Variants in ADAMTS20 observed in about 807,000 individuals in gnomAD.
ADAMTS20 encodes A disintegrin and metalloproteinase with thrombospondin motifs 20.
ADAMTS20 carries 225 observed loss-of-function variants against 260.1 expected under a neutral mutation model. The ratio of observed to expected loss-of-function variants is 0.87; its 90% CI spans 0.78 to 0.97. The LOEUF (loss-of-function observed/expected upper bound fraction) is 0.97, where lower values mean the gene tolerates loss of function less well. ADAMTS20 is among the 50% of genes least tolerant of loss of function. ADAMTS20 has a pLI of 0.00. For synonymous variants in ADAMTS20, 802 were observed against 769.5 expected, an observed-to-expected ratio of 1.04 and a Z score of -0.70; for missense variants, 2,400 against 2,337.7, an observed-to-expected ratio of 1.03 and a Z score of -0.55.
At chr12:43,491,849 C>T (rs1470883341) in intron 6 of ADAMTS20, among the ~76,000 whole-genome samples, 2 of 152,098 alleles carry the variant, frequency 1.3e-5, no homozygotes, top group Non-Finnish European at 2.9e-5. Flanking sequence ...AGGGAATGAA[C>T]AAAACCTGCT....
intron 4 of ADAMTS20, among the ~76,000 whole-genome samples, chr12:43,501,297 T>G (rs1592099512): frequency 6.6e-6 from 1 of 151,786 alleles, no homozygotes; most frequent in Non-Finnish European, 1.5e-5. Context: ...CGACCTCAGG[T>G]GATCCTCCCG....
intron 10 of ADAMTS20, among the ~76,000 whole-genome samples, chr12:43,463,423 T>G (rs556504663): frequency 1.3e-4 from 20 of 152,198 alleles, no homozygotes; most frequent in Non-Finnish European, 2.5e-4. Flanking sequence ...TACTGAAGTT[T>G]CCTATTTTGT....
chr12:43,493,871 T>A (rs572480829), intron 4 of ADAMTS20, among the ~76,000 whole-genome samples: 2 of 152,324 alleles, frequency 1.3e-5, no homozygotes, highest in Admixed American at 1.3e-4. Flanking sequence ...TAGAATCATA[T>A]AAACAGCCCT....
At chr12:43,382,406 A>T (rs1940373609) in intron 31 of ADAMTS20, among the ~76,000 whole-genome samples, 1 of 152,210 alleles carries the variant, frequency 6.6e-6, no homozygotes, top group South Asian at 2.1e-4. Flanking sequence ...GTATGATTCC[A>T]TTTATACCAA....
At chr12:43,392,485 C>G (rs1415516854) in intron 29 of ADAMTS20, among the ~76,000 whole-genome samples, 1 of 151,930 alleles carries the variant, frequency 6.6e-6, no homozygotes, top group Non-Finnish European at 1.5e-5. Flanking sequence ...ATATGAACCT[C>G]TTCTCTAAAA....
intron 2 of ADAMTS20, among the ~76,000 whole-genome samples, chr12:43,536,909 G>T (rs564991274): frequency 6.6e-6 from 1 of 152,244 alleles, no homozygotes; most frequent in Admixed American, 6.6e-5. Context: ...ACCCAATTCA[G>T]AAACAAATTA....
intron 3 of ADAMTS20, among the ~76,000 whole-genome samples, chr12:43,512,357 T>C (rs1009466025): frequency 6.7e-6 from 1 of 149,830 alleles, no homozygotes; most frequent in African/African-American, 2.4e-5. Context: ...TATGAGGATA[T>C]TATTATTATT....
chr12:43,433,851 C>A (rs1208943046), intron 19 of ADAMTS20: 7 of 433,786 alleles, frequency 1.6e-5, no homozygotes, highest in Admixed American at 7.9e-5. Context: ...TCAAGGAAAT[C>A]AATCAATTTG....
At chr12:43,381,462 A>G (rs1940348991) in intron 31 of ADAMTS20, among the ~76,000 whole-genome samples, 1 of 152,014 alleles carries the variant, frequency 6.6e-6, no homozygotes, top group South Asian at 2.1e-4. Context: ...TACCCAGAAT[A>G]TATAAATAAT....
chr12:43,439,738 C>A lies in ADAMTS20; in HGVS notation c.2477G>T (p.Gly826Val). 1 of 1,611,410 alleles carries A rather than the reference C, an allele frequency of 6.2e-7. No individual in the cohort carries two copies. Among genetic ancestry groups the A allele is most frequent in the Non-Finnish European group, 8.5e-7 (1 of 1,178,606 alleles). ...KELILQVLCVGNLYNPDVHYS... is the reference protein window; with the variant it reads ...KELILQVLCVVNLYNPDVHYS... ...ATGTACATCAGGGTTGTATAAATTACCCACACACAACACCTCAATAAGAAT... is the reference window on the plus strand; with the variant it reads ...ATGTACATCAGGGTTGTATAAATTAACCACACACAACACCTCAATAAGAAT... The change falls in exon 18 of 39, where the codon GGT (glycine) becomes GTT (valine). Residue 826 changes from glycine to valine, a missense_variant. Physicochemically the swap from Gly to Val is moderately radical, Grantham distance 109. Transcript: ENST00000389420.
chr12:43,403,551 C>CT (rs1243091327), intron 28 of ADAMTS20, among the ~76,000 whole-genome samples: 3 of 151,982 alleles, frequency 2.0e-5, no homozygotes, highest in Admixed American at 2.0e-4. Flanking sequence ...AAACTGTGCC[C>CT]TTTATAGATT....
At chr12:43,459,070 T>G (rs1942014821) in intron 11 of ADAMTS20, among the ~76,000 whole-genome samples, 1 of 152,160 alleles carries the variant, frequency 6.6e-6, no homozygotes, top group Admixed American at 6.5e-5. Context: ...TTGGGTCCCC[T>G]CCCTTTGTAT....
In ADAMTS20 at chr12:43,425,551, G is replaced by T; in HGVS notation, c.4247C>A (p.Pro1416His). Reference protein sequence around the residue: ...SVIQCHMHACPADVSWHQEPW... With the variant: ...SVIQCHMHACHADVSWHQEPW... ...TTCCTGATGCCATGACACATCAGCA[G>T]GGCAAGCATGCATATGACACTGTAT... is the stretch of plus-strand genomic sequence containing the variant. Residue 1416 changes from proline (P) to histidine (H), a missense_variant, in exon 28 of 39, where the codon CCT (proline) becomes CAT (histidine). Transcript: ENST00000389420. 1 of 1,581,480 alleles carries T rather than the reference G, an allele frequency of 6.3e-7. No homozygotes were observed. The highest frequency in any genetic ancestry group is 8.6e-7 in the Non-Finnish European group (1 of 1,160,198).
At chr12:43,535,303 T>C (rs1211413606) in intron 2 of ADAMTS20, among the ~76,000 whole-genome samples, 1 of 152,136 alleles carries the variant, frequency 6.6e-6, no homozygotes, top group Non-Finnish European at 1.5e-5. Flanking sequence ...AAGCTATTAT[T>C]TCCTACCTTT....
At position 43,452,344 on chromosome 12, in the gene ADAMTS20, T is replaced by G. The variant is rs769226935; in HGVS notation, c.2009A>C (p.Lys670Thr). ...VAGTNYFYLL[K>T]DMVEDGTPCG... The stretch of plus-strand genomic sequence containing the variant: ...AGGAGTACCATCTTCAACCATATCC[T>G]TCAATAGGTAGAAATAATTGGTTCC... The change falls in exon 14 of 39, where the codon AAG becomes ACG. Residue 670 changes from lysine to threonine, a missense_variant. Physicochemically the swap from Lys to Thr is moderately conservative, Grantham distance 78. Transcript: ENST00000389420. The G allele has an allele frequency of 6.2e-7, 1 of 1,613,346 alleles. No individual in the cohort carries two copies. Among genetic ancestry groups the G allele is most frequent in the South Asian group, 1.1e-5 (1 of 91,042 alleles).
intron 11 of ADAMTS20, among the ~76,000 whole-genome samples, chr12:43,456,253 C>T (rs961920392): frequency 1.3e-5 from 2 of 152,132 alleles, no homozygotes; most frequent in Middle Eastern, 3.2e-3. Context: ...AGATAATTTG[C>T]AAAGTGGTTT....
intron 36 of ADAMTS20, among the ~76,000 whole-genome samples, chr12:43,371,163 T>A (rs1382511332): frequency 6.6e-6 from 1 of 152,218 alleles, no homozygotes; most frequent in East Asian, 1.9e-4. Flanking sequence ...ACTAGACTGC[T>A]TTTTATTCTC....
At chr12:43,526,128 C>T (rs1193256046) in intron 3 of ADAMTS20, among the ~76,000 whole-genome samples, 3 of 152,242 alleles carry the variant, frequency 2.0e-5, no homozygotes, top group Non-Finnish European at 4.4e-5. Flanking sequence ...ATATGGTAGG[C>T]CACAAAACAA....
At chr12:43,506,869 C>T (rs888014952) in intron 3 of ADAMTS20, among the ~76,000 whole-genome samples, 2 of 151,682 alleles carry the variant, frequency 1.3e-5, no homozygotes, top group African/African-American at 4.9e-5. Flanking sequence ...TAAAAACAAC[C>T]CAAATGTCTG....
Sources: gnomAD v4.1 joint callset for allele counts (sites outside exome capture counted in the v4.1 genomes callset) on GRCh38, gnomAD v4.1.1 for gene constraint, MANE v1.5 for transcripts, NCBI Gene and HGNC (gene_info 2026-07-23, HGNC 2026-07-21) for gene names.